TENM2: variants seen among roughly 807,000 people sequenced by gnomAD.
The protein encoded by TENM2 is teneurin-2.
A neutral mutation model predicts 245.2 loss-of-function variants in TENM2; 52 were observed. That is an observed-to-expected ratio of 0.21 (90% CI 0.17 to 0.27). The LOEUF (loss-of-function observed/expected upper bound fraction) is 0.27, where lower values mean the gene tolerates loss of function less well. Ranked by LOEUF, TENM2 falls within the 10% of genes least tolerant of loss-of-function variation. The pLI, the probability that TENM2 is intolerant of heterozygous loss-of-function variation, is 1.00. For synonymous variants in TENM2, 1,363 were observed against 1,438.9 expected (o/e 0.95, Z 1.19); for missense variants, 3,046 against 3,666.8 (o/e 0.83, Z 4.37).
At position 167,552,810 on chromosome 5, in the gene TENM2, G is replaced by A. The variant is rs972177835; in HGVS notation, c.502+177337G>A. Among the ~76,000 whole-genome samples the A allele has an allele frequency of 2.6e-5, 4 of 152,272 alleles. No homozygotes were observed. In the Middle Eastern group the frequency reaches 0.01, roughly 388 times the overall value. On this transcript the variant is annotated intron_variant, in intron 2 of 28. Coordinates refer to ENST00000518659, the Ensembl canonical transcript of TENM2. ...GAGTTACATTCTTAAACATCCTAAT[G>A]GCATTGCCCCTCATGGTTGCATGAA...
Position 168,244,806 on chromosome 5 carries a change from G to C in TENM2, c.5817+90G>C. The C allele has an allele frequency of 8.6e-7, 1 of 1,164,042 alleles. No individual in the cohort carries two copies. 72.1% of individuals were successfully genotyped at this position (1,164,042 alleles called of 1,614,324 possible). A position where few individuals can be genotyped will look rare whatever the true frequency, so the allele number is the denominator to read the frequency against. On this transcript the variant is annotated intron_variant, in intron 26 of 28. Coordinates refer to ENST00000518659, the Ensembl canonical transcript of TENM2. This position sits in a 1 kb window ranked among gnomAD's most constrained non-coding sequence, Gnocchi z 4.9. ...TTTTTTTGAGACAGAGACTTGCTCT[G>C]TTGCCCAGGCTGGAGTGCAGTGGCA... is the stretch of plus-strand genomic sequence containing the variant.
chr5:168,213,277 T>G (rs6875022), intron 20 of TENM2, among the ~76,000 whole-genome samples: 25,448 of 152,156 alleles, frequency 0.17, 3,215 homozygotes, highest in African/African-American at 0.35. Flanking sequence ...TTCAGGGATG[T>G]GTCTTAATAG....
chr5:168,156,254 A>AAAAAAAAC lies in TENM2; in HGVS notation c.2423-6350_2423-6349insCAAAAAAA, dbSNP rs1554210135. Among the ~76,000 whole-genome samples the AAAAAAAAC allele has an allele frequency of 2.7e-5, 4 of 149,648 alleles. 1 individual carries two copies. Among genetic ancestry groups the AAAAAAAAC allele is most frequent in the Admixed American group, 2.7e-4 (4 of 15,082 alleles). On this transcript the variant is annotated intron_variant, in intron 12 of 28. Coordinates refer to ENST00000518659, the Ensembl canonical transcript of TENM2. ...TAAGGTTTTCCCCATAGTTAAAAAA[A>AAAAAAAAC]AAAAAAAAAAAACACTTTTTTTTTT...
the TENM2 span, among the ~76,000 whole-genome samples, chr5:167,003,941 C>G: frequency 6.6e-6 from 1 of 152,088 alleles, no homozygotes; most frequent in African/African-American, 2.4e-5. Context: ...TTTGGATTCT[C>G]TGGTTTGTGG....
At chr5:167,021,723 A>C in the TENM2 span, among the ~76,000 whole-genome samples, 4 of 152,146 alleles carry the variant, frequency 2.6e-5, no homozygotes, top group Non-Finnish European at 5.9e-5. Context: ...TCAGTCTCCT[A>C]TTTACTGATT....
chr5:167,734,010 C>A (rs1475681884), intron 2 of TENM2, among the ~76,000 whole-genome samples: 2 of 152,144 alleles, frequency 1.3e-5, no homozygotes, highest in Non-Finnish European at 2.9e-5. Context: ...CCCAGGTTTC[C>A]TTGACTTCAG....
chr5:167,490,590 A>G (rs1419187227), intron 2 of TENM2, among the ~76,000 whole-genome samples: 1 of 152,144 alleles, frequency 6.6e-6, no homozygotes, highest in Non-Finnish European at 1.5e-5. Flanking sequence ...GGAAGGAAGC[A>G]ATAATTTATA....
At chr5:167,923,715 CT>C (rs1358562194) in intron 3 of TENM2, among the ~76,000 whole-genome samples, 4 of 152,040 alleles carry the variant, frequency 2.6e-5, no homozygotes, top group African/African-American at 9.7e-5. Flanking sequence ...AATCAGGGCC[CT>C]GGATCTATTG....
the TENM2 span, among the ~76,000 whole-genome samples, chr5:167,222,605 C>T: frequency 7.0e-6 from 1 of 142,188 alleles, no homozygotes; most frequent in Admixed American, 7.0e-5. Context: ...AAATGAATCA[C>T]TTTTATTTAT....
At chr5:168,153,422 G>A (rs1373579470) in intron 12 of TENM2, among the ~76,000 whole-genome samples, 1 of 152,220 alleles carries the variant, frequency 6.6e-6, no homozygotes, top group African/African-American at 2.4e-5. Flanking sequence ...ATAAAAGCAT[G>A]CAATGGAGCA....
intron 4 of TENM2, among the ~76,000 whole-genome samples, chr5:167,981,208 G>GCCAT (rs1344899064): frequency 5.3e-5 from 8 of 152,230 alleles, no homozygotes; most frequent in African/African-American, 1.7e-4. Context: ...TCAGCTCCCC[G>GCCAT]CCATCCCCAC....
chr5:168,132,746 A>C (rs1403204884), intron 12 of TENM2, among the ~76,000 whole-genome samples: 1 of 152,242 alleles, frequency 6.6e-6, no homozygotes, highest in Admixed American at 6.5e-5. Context: ...CTGTTGAAAA[A>C]CATGGGATGC....
chr5:167,351,097 TATATATATATGGGATATATACATATGG>T (rs1561884363), intron 1 of TENM2, among the ~76,000 whole-genome samples: 5 of 113,954 alleles, frequency 4.4e-5, no homozygotes, highest in South Asian at 3.1e-4. Flanking sequence ...TACATATGGA[TATATATATATGGGATATATACATATGG>T]ATATATATAT....
the TENM2 span, among the ~76,000 whole-genome samples, chr5:167,082,664 G>A: frequency 6.6e-6 from 1 of 152,132 alleles, no homozygotes. Context: ...CAACTACTGT[G>A]ACTCTAATAA....
At chr5:167,336,109 T>C (rs1360180815) in intron 1 of TENM2, among the ~76,000 whole-genome samples, 2 of 151,462 alleles carry the variant, frequency 1.3e-5, no homozygotes, top group African/African-American at 4.8e-5. Flanking sequence ...CTAGAACACA[T>C]ATAAATGGTG....
rs2546950 is a variant in TENM2, at chr5:168,005,871, A to G, written c.1186+12689A>G. On this transcript the variant is annotated intron_variant, in intron 5 of 28. Transcript: ENST00000518659. ...GGGGAAAGTAAGTACCATAAGAAAAAGCAAGCATGCACAAGACAGAAAAGA... is the reference window on the plus strand; with the variant it reads ...GGGGAAAGTAAGTACCATAAGAAAAGGCAAGCATGCACAAGACAGAAAAGA... 5.9e-3 allele frequency among the ~76,000 whole-genome samples: 893 copies of G among 152,302 alleles called. 8 individuals carry two copies. The highest frequency in any genetic ancestry group is 0.02 in the African/African-American group (845 of 41,562).
chr5:167,448,601 G>A (rs1470408915), intron 2 of TENM2, among the ~76,000 whole-genome samples: 2 of 150,664 alleles, frequency 1.3e-5, no homozygotes, highest in African/African-American at 2.5e-5. Context: ...AATTTGATTA[G>A]GGATGTGCAA....
intron 25 of TENM2, among the ~76,000 whole-genome samples, chr5:168,229,081 TATA>T (rs984302958): frequency 2.0e-5 from 3 of 149,062 alleles, no homozygotes; most frequent in African/African-American, 7.3e-5. Flanking sequence ...TATGTATAAT[TATA>T]ATATTATAAT....
chr5:167,807,124 T>TAAAAAA (rs1178739925), intron 2 of TENM2, among the ~76,000 whole-genome samples: 1,480 of 48,974 alleles, frequency 0.03, 108 homozygotes, highest in East Asian at 0.043. Context: ...GCCCCTAGGT[T>TAAAAAA]AAAAAAAAAA....
Sources: gnomAD v4.1 joint callset for allele counts (sites outside exome capture counted in the v4.1 genomes callset) on GRCh38, gnomAD v4.1.1 for gene constraint, Gnocchi (gnomAD v3.1) non-coding constraint, MANE v1.5 for transcripts, NCBI Gene and HGNC (gene_info 2026-07-23, HGNC 2026-07-21) for gene names.